Variants in RBM33 observed in about 807,000 individuals in gnomAD.
The protein encoded by RBM33 is RNA-binding protein 33.
A neutral mutation model predicts 132.6 loss-of-function variants in RBM33; 28 were observed. The observed-to-expected ratio is 0.21, with a 90% CI of 0.16 to 0.29. The LOEUF (loss-of-function observed/expected upper bound fraction) is 0.29, where lower values mean the gene tolerates loss of function less well. Ranked by LOEUF, RBM33 falls within the 10% of genes least tolerant of loss-of-function variation. The pLI, the probability that RBM33 is intolerant of heterozygous loss-of-function variation, is 1.00. For missense variants in RBM33, 1,291 were observed against 1,518.5 expected (o/e 0.85, Z 2.49); for synonymous variants, 634 against 593.0 (o/e 1.07, Z -1.01).
At position 155,745,032 on chromosome 7, in the gene RBM33, A is replaced by T; in HGVS notation, c.2409A>T (p.Glu803Asp). The T allele has an allele frequency of 6.2e-7, 1 of 1,611,292 alleles. No homozygotes were observed. The highest frequency in any genetic ancestry group is 8.5e-7 in the Non-Finnish European group (1 of 1,178,986). ...AAGAACAGAAACGCCTAAGAGAAGA[A>T]ATCCTGAAACAGAAGGAGTTACGGC... is the stretch of plus-strand genomic sequence containing the variant. ...KIEEQKRLRE[E>D]ILKQKELRRQ... Residue 803 changes from glutamate (E) to aspartate (D), a missense_variant, in exon 14 of 18, where the codon GAA (glutamate) becomes GAT (aspartate). Around this residue, in one of 7 missense-constraint regions of RBM33, gnomAD observed 841 missense variants for 912.0 expected, o/e 0.92. Transcript: ENST00000401878. The surrounding 1 kb of genome is among the most constrained non-coding windows in gnomAD (Gnocchi z 4.1).
chr7:155,758,588 A>C (rs1038282895), intron 14 of RBM33, among the ~76,000 whole-genome samples: 1 of 152,222 alleles, frequency 6.6e-6, no homozygotes, highest in African/African-American at 2.4e-5. Flanking sequence ...CTCAGTTCCT[A>C]ACAGGCCACA....
intron 12 of RBM33, among the ~76,000 whole-genome samples, chr7:155,741,064 A>G (rs1393361248): frequency 6.6e-6 from 1 of 152,190 alleles, no homozygotes; most frequent in Non-Finnish European, 1.5e-5. Flanking sequence ...AAACATTGCA[A>G]CTAAAGTGCT....
chr7:155,694,680 T>C (rs191355352), intron 5 of RBM33, among the ~76,000 whole-genome samples: 140 of 152,326 alleles, frequency 9.2e-4, no homozygotes, highest in Admixed American at 1.9e-3. Flanking sequence ...AGTCATATAG[T>C]GTGTGTGCGC....
chr7:155,687,273 GTCT>G (rs1417943488), intron 5 of RBM33, among the ~76,000 whole-genome samples: 2 of 152,208 alleles, frequency 1.3e-5, no homozygotes, highest in Non-Finnish European at 2.9e-5. Flanking sequence ...CTGCATAAAT[GTCT>G]TCTTTTGAGA....
chr7:155,648,694 C>T (rs191126673), intron 1 of RBM33, among the ~76,000 whole-genome samples: 11 of 151,820 alleles, frequency 7.2e-5, no homozygotes, highest in South Asian at 2.1e-4. Context: ...TTTGAGGAGT[C>T]GGGAAAGAAT....
At chr7:155,705,638 A>G (rs1800091732) in intron 6 of RBM33, among the ~76,000 whole-genome samples, 1 of 152,206 alleles carries the variant, frequency 6.6e-6, no homozygotes, top group Non-Finnish European at 1.5e-5. Flanking sequence ...TCTTGGTATA[A>G]TGTACTCAGT....
intron 5 of RBM33, among the ~76,000 whole-genome samples, chr7:155,686,528 G>T (rs773568234): frequency 5.3e-5 from 8 of 149,854 alleles, no homozygotes; most frequent in Non-Finnish European, 1.0e-4. Flanking sequence ...TGTGCATAAC[G>T]TGCGGGTTTG....
rs1798144610 is a variant in RBM33 at position 155,645,126 on chromosome 7, C to G, written c.43+207C>G. ...CCTCCTCTCCGCTGTGCAGATCGTA[C>G]TTACCTGTGAACTTCTGTGTGTCCT... On this transcript the variant is annotated intron_variant, in intron 1 of 17. Coordinates refer to ENST00000401878, the MANE Select transcript of RBM33 (RefSeq NM_053043.3). 3 of 475,014 alleles carry G rather than the reference C, an allele frequency of 6.3e-6. No individual in the cohort carries two copies. In the East Asian group the frequency reaches 1.1e-4, roughly 17 times the overall value. 29.4% of individuals were successfully genotyped at this position (475,014 alleles called of 1,614,324 possible).
intron 1 of RBM33, among the ~76,000 whole-genome samples, chr7:155,664,917 G>GTT (rs35481002): frequency 7.1e-4 from 106 of 148,928 alleles, no homozygotes; most frequent in Admixed American, 1.5e-3. Context: ...AACATTTGAG[G>GTT]TTTTTTTTTT....
chr7:155,673,768 G>GCGCGCACGCACA (rs1554469952), intron 3 of RBM33, among the ~76,000 whole-genome samples: 1 of 132,962 alleles, frequency 7.5e-6, no homozygotes, highest in Non-Finnish European at 1.5e-5. Context: ...GCGCATGCGC[G>GCGCGCACGCACA]CACACACACA....
Position 155,745,209 on chromosome 7 carries a change from A to G in RBM33, c.2586A>G (p.Pro862=), listed in dbSNP as rs1172889080. 1 of 1,612,104 alleles carries G rather than the reference A, an allele frequency of 6.2e-7. No homozygotes were observed. Among genetic ancestry groups the G allele is most frequent in the African/African-American group, 1.3e-5 (1 of 74,898 alleles). ...ACGGTAACCCACTGTTGCCCTTTCC[A>G]GGTGCACAGGTCAGACAAAATGTGA... ...PTNGNPLLPF[P]GAQVRQNVKN... The change falls in exon 14 of 18, where the codon CCA becomes CCG. Residue 862 remains proline, a synonymous_variant. Transcript: ENST00000401878. This position sits in a 1 kb window ranked among gnomAD's most constrained non-coding sequence, Gnocchi z 4.1.
intron 5 of RBM33, among the ~76,000 whole-genome samples, chr7:155,688,511 G>A (rs1029608962): frequency 3.3e-5 from 5 of 152,132 alleles, no homozygotes; most frequent in Admixed American, 1.3e-4. Context: ...CTCAAACACT[G>A]TGTTGAATAG....
At chr7:155,738,491 T>C in intron 11 of RBM33, 88 bp downstream of exon 11, 2 of 1,262,146 alleles carry the variant, frequency 1.6e-6, no homozygotes, top group Non-Finnish European at 2.2e-6. Context: ...TATTTGAGCC[T>C]ACTAATTTGT....
In RBM33 at chr7:155,706,586, T is replaced by TA. The variant is rs1181559026; in HGVS notation, c.740-273dup. On this transcript the variant is annotated intron_variant, in intron 6 of 17. Transcript: ENST00000401878. ...CTGCTTTTTAGCCTCAGTCAGCACA[T>TA]ATCAGTGGTCTCCGATGAAAATAAT... Among the ~76,000 whole-genome samples, 4 of 152,266 alleles carry TA rather than the reference T, an allele frequency of 2.6e-5. No homozygotes were observed. The East Asian group carries it at 7.7e-4, about 29-fold the overall frequency.
chr7:155,673,794 A>ACACACC (rs1554469973), intron 3 of RBM33, among the ~76,000 whole-genome samples: 4 of 143,170 alleles, frequency 2.8e-5, no homozygotes, highest in African/African-American at 8.8e-5. Flanking sequence ...ACACACACAC[A>ACACACC]CACACACCCC....
intron 9 of RBM33, 83 bp from the exon 10 acceptor site, chr7:155,737,447 G>T: frequency 7.1e-7 from 1 of 1,410,570 alleles, no homozygotes; most frequent in Non-Finnish European, 9.4e-7. Context: ...AGGAAAACTT[G>T]GAACCAGGTC....
At chr7:155,713,222 C>G (rs1292555215) in intron 8 of RBM33, among the ~76,000 whole-genome samples, 1 of 152,058 alleles carries the variant, frequency 6.6e-6, no homozygotes, top group Non-Finnish European at 1.5e-5. Flanking sequence ...GAGATGCCAA[C>G]TAGCCATGTG....
chr7:155,661,100 GTGT>G, intron 1 of RBM33, among the ~76,000 whole-genome samples: 1 of 37,806 alleles, frequency 2.6e-5, no homozygotes, highest in Non-Finnish European at 4.2e-5. Flanking sequence ...TGTGTGTGGT[GTGT>G]GTGTGTGTGT....
intron 5 of RBM33, among the ~76,000 whole-genome samples, chr7:155,681,730 C>T (rs769615578): frequency 3.9e-5 from 6 of 151,914 alleles, no homozygotes; most frequent in African/African-American, 1.2e-4. Context: ...CCTTAAAGAG[C>T]CCATTTGCAA....
Sources: gnomAD v4.1 joint callset for allele counts (sites outside exome capture counted in the v4.1 genomes callset) on GRCh38, gnomAD v4.1.1 for gene constraint, gnomAD v4.1.1 regional missense constraint, Gnocchi (gnomAD v3.1) non-coding constraint, MANE v1.5 for transcripts, NCBI Gene and HGNC (gene_info 2026-07-23, HGNC 2026-07-21) for gene names.